ACBD5: variants seen among roughly 807,000 people sequenced by gnomAD.
ACBD5 encodes the protein acyl-CoA-binding domain-containing protein 5.
In ACBD5, 40 loss-of-function variants were observed where a neutral mutation model predicts 71.8. The ratio of observed to expected loss-of-function variants is 0.56; its 90% CI spans 0.43 to 0.72. The LOEUF (loss-of-function observed/expected upper bound fraction) is 0.72, where lower values mean the gene tolerates loss of function less well. Ranked by LOEUF, ACBD5 falls within the 30% of genes least tolerant of loss-of-function variation. The probability of loss-of-function intolerance (pLI) is 0.00; values close to 1 mark genes in which losing one functional copy is unlikely to be tolerated. For synonymous variants in ACBD5, 229 were observed against 218.6 expected (o/e 1.05, Z -0.42); for missense variants, 559 against 644.5 (o/e 0.87, Z 1.44).
chr10:27,232,463 G>A (rs1215524080), intron 3 of ACBD5: 2 of 151,842 alleles, frequency 1.3e-5, no homozygotes, highest in Non-Finnish European at 2.9e-5. Flanking sequence ...TGAGTAGCTG[G>A]GATTACAGGC....
intron 10 of ACBD5, among the ~76,000 whole-genome samples, chr10:27,207,190 C>T (rs1450733656): frequency 6.6e-6 from 1 of 151,564 alleles, no homozygotes; most frequent in South Asian, 2.1e-4. Context: ...GCAGGAGAAT[C>T]GTTTGAACCC....
At chr10:27,221,238 G>C (rs1280322186) in intron 5 of ACBD5, among the ~76,000 whole-genome samples, 1 of 152,202 alleles carries the variant, frequency 6.6e-6, no homozygotes, top group Non-Finnish European at 1.5e-5. Flanking sequence ...ATCCAATAGA[G>C]TCTAAGGCAG....
At chr10:27,213,754 C>T (rs55941928) in intron 8 of ACBD5, among the ~76,000 whole-genome samples, 10,543 of 94,796 alleles carry the variant, frequency 0.11, 685 homozygotes, top group African/African-American at 0.18. Flanking sequence ...GGAAACTCCG[C>T]CTCAGAAAAA....
intron 2 of ACBD5, among the ~76,000 whole-genome samples, chr10:27,235,755 C>A (rs2064587279): frequency 6.6e-6 from 1 of 152,134 alleles, no homozygotes; most frequent in Non-Finnish European, 1.5e-5. Flanking sequence ...ATTTTGGAGA[C>A]ATCAATTTGA....
At chr10:27,191,571 G>T (rs2059079406), downstream of ACBD5, among the ~76,000 whole-genome samples, 1 of 152,112 alleles carries the variant, frequency 6.6e-6, no homozygotes, top group Non-Finnish European at 1.5e-5. Flanking sequence ...TGATATTGTT[G>T]TAAACCTAAA....
chr10:27,240,500 C>T lies in ACBD5; in HGVS notation c.16-16G>A. 1 of 1,591,974 alleles carries T rather than the reference C, an allele frequency of 6.3e-7. No homozygotes were observed. ...CTGCATGAAACTGGAACATGGAGCG[C>T]AGCCGCGGATCAACATGCCCCAAAA... On this transcript the variant is annotated splice_polypyrimidine_tract_variant and intron_variant, in intron 1 of 12. Transcript: ENST00000396271. The surrounding 1 kb of genome is among the most constrained non-coding windows in gnomAD (Gnocchi z 4.1).
intron 3 of ACBD5, among the ~76,000 whole-genome samples, chr10:27,233,628 G>A (rs2064208652): frequency 6.6e-6 from 1 of 152,102 alleles, no homozygotes; most frequent in South Asian, 2.1e-4. Context: ...TGAGGTGGGA[G>A]AATTGTTTGA....
Position 27,219,871 on chromosome 10 carries a change from T to C in ACBD5, c.491-14A>G. The C allele has an allele frequency of 6.2e-7, 1 of 1,613,054 alleles. No individual in the cohort carries two copies. Among genetic ancestry groups the C allele is most frequent in the Non-Finnish European group, 8.5e-7 (1 of 1,179,444 alleles). On this transcript the variant is annotated splice_polypyrimidine_tract_variant and intron_variant, in intron 5 of 12. Transcript: ENST00000396271. ...CATTACCAAGATCTAAAACATGAAA[T>C]GACCACTTACTCACAATGTGATAAT...
intron 6 of ACBD5, 59 bp from the exon 7 acceptor site, chr10:27,218,242 C>T: frequency 7.6e-7 from 1 of 1,321,956 alleles, no homozygotes; most frequent in Non-Finnish European, 1.1e-6. Flanking sequence ...CTTCTGCATA[C>T]CATGTTTTAA....
chr10:27,205,528 T>G (rs559243377), intron 10 of ACBD5, among the ~76,000 whole-genome samples: 18 of 152,172 alleles, frequency 1.2e-4, no homozygotes, highest in Non-Finnish European at 2.5e-4. Flanking sequence ...TTAGTTCAAA[T>G]TATATAAGAC....
chr10:27,227,009 A>ATTTTTTTGTTTTTTT (rs2063142235), intron 4 of ACBD5, among the ~76,000 whole-genome samples: 2 of 78,392 alleles, frequency 2.6e-5, no homozygotes, highest in Non-Finnish European at 4.5e-5. Context: ...TTTTTTTGCG[A>ATTTTTTTGTTTTTTT]TTTTTTTTTT....
Position 27,231,753 on chromosome 10 carries a change from T to C in ACBD5, c.370A>G (p.Lys124Glu), listed in dbSNP as rs142674968. The C allele has an allele frequency of 1.2e-5, 19 of 1,613,688 alleles. No homozygotes were observed. Among genetic ancestry groups the C allele is most frequent in the Admixed American group, 8.3e-5 (5 of 60,032 alleles). Residue 124 changes from lysine to glutamate, a missense_variant, in exon 4 of 13, where the codon AAA becomes GAA. By Grantham distance (56) the Lys-to-Glu change is moderately conservative. Transcript: ENST00000396271. ...CTGTGAATTATTTTCCCTACCTTTT[T>C]CATTTCTTCAACATATGCAATCATG... ...EAMIAYVEEM[K>E]KIIETMPMTE... is the part of the protein sequence containing the mutation.
At chr10:27,213,088 AC>A (rs1479721005) in intron 8 of ACBD5, among the ~76,000 whole-genome samples, 1 of 152,184 alleles carries the variant, frequency 6.6e-6, no homozygotes, top group Admixed American at 6.6e-5. Flanking sequence ...AAGAGGCCAA[AC>A]AGAAATATAG....
chr10:27,239,895 C>T (rs772580225), intron 2 of ACBD5, among the ~76,000 whole-genome samples: 11 of 152,136 alleles, frequency 7.2e-5, no homozygotes, highest in Non-Finnish European at 1.5e-4. Flanking sequence ...TACAGGCGCA[C>T]GCCACGAAGC....
At chr10:27,219,293 C>T (rs558371989) in intron 6 of ACBD5, among the ~76,000 whole-genome samples, 5 of 141,572 alleles carry the variant, frequency 3.5e-5, no homozygotes, top group Non-Finnish European at 4.6e-5. Flanking sequence ...GGCAACAGAG[C>T]GAGACTCTAT....
At chr10:27,197,869 G>A (rs1030320411) in intron 12 of ACBD5, among the ~76,000 whole-genome samples, 1 of 152,138 alleles carries the variant, frequency 6.6e-6, no homozygotes, top group Non-Finnish European at 1.5e-5. Flanking sequence ...GACCTCAGGT[G>A]ATCTACCCAC....
Position 27,240,562 on chromosome 10 carries a change from T to C in ACBD5, c.16-78A>G. On this transcript the variant is annotated intron_variant, in intron 1 of 12. Transcript: ENST00000396271. The surrounding 1 kb of genome is among the most constrained non-coding windows in gnomAD (Gnocchi z 4.1). ...GGGAGCGAAGCGGGTCAGTTCCCCT[T>C]TGCCCTGCCCTATCCAGGCCACACA... The C allele has an allele frequency of 6.5e-7, 1 of 1,550,376 alleles. No homozygotes were observed. Among genetic ancestry groups the C allele is most frequent in the Non-Finnish European group, 8.7e-7 (1 of 1,146,108 alleles).
intron 12 of ACBD5, among the ~76,000 whole-genome samples, chr10:27,202,390 T>C (rs776019621): frequency 1.3e-5 from 2 of 152,188 alleles, no homozygotes; most frequent in Non-Finnish European, 2.9e-5. Flanking sequence ...AAAAAACTTA[T>C]AAAGGTTCAA....
downstream of ACBD5, among the ~76,000 whole-genome samples, chr10:27,192,836 G>GTT (rs1210821189): frequency 6.6e-6 from 1 of 151,834 alleles, no homozygotes; most frequent in East Asian, 1.9e-4. Flanking sequence ...CGGGCGTGGT[G>GTT]GCGGGCGCCT....
Sources: allele counts gnomAD v4.1 joint callset (sites outside exome capture counted in the v4.1 genomes callset), GRCh38; gene constraint gnomAD v4.1.1; non-coding constraint Gnocchi (gnomAD v3.1); transcripts MANE v1.5; gene names NCBI Gene and HGNC (gene_info 2026-07-23, HGNC 2026-07-21).